The following ADARB2 variants were observed in gnomAD, a reference collection of about 807,000 sequenced individuals.
ADARB2 encodes inactive double-stranded RNA-specific editase B2.
ADARB2 carries 25 observed loss-of-function variants against 62.2 expected under a neutral mutation model. That is an observed-to-expected ratio of 0.40 (90% CI 0.29 to 0.56). The LOEUF is 0.56. Among genes scored for constraint, ADARB2 ranks in the 20% least tolerant of loss-of-function variants. The pLI is 0.43. For missense variants in ADARB2, 1,071 were observed against 1,077.4 expected (o/e 0.99, Z 0.08); for synonymous variants, 572 against 500.8 (o/e 1.14, Z -1.90).
At chr10:1,291,104 T>G (rs1052385447) in intron 3 of ADARB2, 1 of 152,216 alleles carries the variant, frequency 6.6e-6, no homozygotes, top group Admixed American at 6.5e-5. Context: ...AAAAAGTAGT[T>G]GTTTCATAAA....
chr10:1,654,126 G>T (rs371520290), intron 1 of ADARB2, among the ~76,000 whole-genome samples: 4 of 152,262 alleles, frequency 2.6e-5, no homozygotes, highest in African/African-American at 9.6e-5. Flanking sequence ...TGTTCTCTGT[G>T]GCCATTGCAG....
At chr10:1,678,980 C>T (rs1834502901) in intron 1 of ADARB2, among the ~76,000 whole-genome samples, 1 of 152,232 alleles carries the variant, frequency 6.6e-6, no homozygotes, top group South Asian at 2.1e-4. Flanking sequence ...CCAATGCCCA[C>T]TGGATGCAGA....
rs1834113285 is a variant in ADARB2, at chr10:1,651,735, G to A, written c.100+85316C>T. On this transcript the variant is annotated intron_variant, in intron 1 of 9. Coordinates refer to ENST00000381312, the MANE Select transcript of ADARB2 (RefSeq NM_018702.4). ...CGGGGCCTTACTGCCTGAGCGTGGT[G>A]GGCGTGACTCTCGGGGGGAGCGGGG... Among the ~76,000 whole-genome samples the A allele has an allele frequency of 1.3e-5, 2 of 152,154 alleles. 1 individual carries two copies. Among genetic ancestry groups the A allele is most frequent in the Admixed American group, 1.3e-4 (2 of 15,278 alleles).
chr10:1,405,354 G>C (rs544156328), intron 1 of ADARB2, among the ~76,000 whole-genome samples: 11 of 152,110 alleles, frequency 7.2e-5, no homozygotes, highest in Non-Finnish European at 1.0e-4. Flanking sequence ...TGAAACTCAG[G>C]CTGGCTCTAG....
At chr10:1,369,045 C>T (rs1427905286) in intron 2 of ADARB2, among the ~76,000 whole-genome samples, 2 of 152,034 alleles carry the variant, frequency 1.3e-5, no homozygotes, top group East Asian at 3.9e-4. Context: ...CCCCTGGCGG[C>T]CTCTTGCTGT....
At chr10:1,670,674 C>T (rs1226019709) in intron 1 of ADARB2, among the ~76,000 whole-genome samples, 1 of 152,252 alleles carries the variant, frequency 6.6e-6, no homozygotes, top group African/African-American at 2.4e-5. Context: ...TCAACGCTTA[C>T]TGTCGCTCAG....
At chr10:1,336,224 G>A (rs1831974066) in intron 3 of ADARB2, among the ~76,000 whole-genome samples, 3 of 152,168 alleles carry the variant, frequency 2.0e-5, no homozygotes, top group Admixed American at 1.3e-4. Flanking sequence ...TACCCACTTG[G>A]CAATAATTGG....
intron 1 of ADARB2, among the ~76,000 whole-genome samples, chr10:1,553,322 G>A (rs1832655165): frequency 6.6e-6 from 1 of 152,266 alleles, no homozygotes; most frequent in Non-Finnish European, 1.5e-5. Context: ...CACACATTTT[G>A]GATCAAGTTC....
intron 9 of ADARB2, among the ~76,000 whole-genome samples, chr10:1,184,202 A>AT (rs1014356114): frequency 1.0e-3 from 154 of 152,286 alleles, no homozygotes; most frequent in African/African-American, 3.6e-3. Context: ...AATCAACACT[A>AT]TTATTCCTGC....
At position 1,666,354 on chromosome 10, in the gene ADARB2, T is replaced by A. The variant is rs150668683; in HGVS notation, c.100+70697A>T. ...ACATTCTCCTGGGCCGCAGCTCATC[T>A]GCGAGTCGGAGCCTCCGAAGGGGGG... is the stretch of plus-strand genomic sequence containing the variant. On this transcript the variant is annotated intron_variant, in intron 1 of 9. Coordinates refer to ENST00000381312, the MANE Select transcript of ADARB2 (RefSeq NM_018702.4). Among the ~76,000 whole-genome samples, 562 of 152,346 alleles carry A rather than the reference T, an allele frequency of 3.7e-3. 2 individuals carry two copies. The highest frequency in any genetic ancestry group is 6.7e-3 in the Non-Finnish European group (458 of 68,032).
At chr10:1,192,929 C>T (rs369002627) in intron 8 of ADARB2, among the ~76,000 whole-genome samples, 12 of 152,288 alleles carry the variant, frequency 7.9e-5, no homozygotes, top group African/African-American at 2.9e-4. Flanking sequence ...GGTGACAGAG[C>T]GAGACTCCGT....
intron 3 of ADARB2, among the ~76,000 whole-genome samples, chr10:1,281,792 A>C (rs1305777004): frequency 6.6e-6 from 1 of 151,984 alleles, no homozygotes; most frequent in Non-Finnish European, 1.5e-5. Context: ...AGCCAACCCC[A>C]TCTCCTCCTC....
intron 3 of ADARB2, among the ~76,000 whole-genome samples, chr10:1,341,351 TG>T (rs1832025469): frequency 1.1e-5 from 1 of 88,888 alleles, no homozygotes; most frequent in South Asian, 4.1e-4. Flanking sequence ...CAACGTGCCC[TG>T]CAACGGCGAT....
In ADARB2 at chr10:1,216,997, G is replaced by A; in HGVS notation, c.1636C>T (p.Leu546=). Residue 546 remains leucine (L), a synonymous_variant, in exon 7 of 10, where the codon CTG becomes TTG. Coordinates refer to ENST00000381312, the MANE Select transcript of ADARB2 (RefSeq NM_018702.4). ...SAVQTWDGVL[L]GEQLITMSCT... ...GACATGGTGATCAGCTGCTCCCCCA[G>A]CAGGACGCCGTCCCAGGTCTGCACT... 1.2e-6 allele frequency: 2 copies of A among 1,610,154 alleles called. No homozygotes were observed. Among genetic ancestry groups the A allele is most frequent in the South Asian group, 2.2e-5 (2 of 90,942 alleles).
At chr10:1,376,152 C>T (rs1255862191) in intron 2 of ADARB2, among the ~76,000 whole-genome samples, 1 of 152,182 alleles carries the variant, frequency 6.6e-6, no homozygotes, top group Non-Finnish European at 1.5e-5. Flanking sequence ...GATAAGGCCG[C>T]GCTGGCAATG....
chr10:1,222,515 C>G (rs1296828315), intron 6 of ADARB2, among the ~76,000 whole-genome samples: 1 of 149,936 alleles, frequency 6.7e-6, no homozygotes, highest in African/African-American at 2.5e-5. Flanking sequence ...AATGGTATTG[C>G]CTAGATTTTC....
chr10:1,474,078 T>C (rs920796964), intron 1 of ADARB2, among the ~76,000 whole-genome samples: 11 of 136,324 alleles, frequency 8.1e-5, no homozygotes, highest in Non-Finnish European at 1.4e-4. Flanking sequence ...CCCATCCCAC[T>C]GAGCACCTGC....
At chr10:1,614,463 A>T (rs1239718845) in intron 1 of ADARB2, among the ~76,000 whole-genome samples, 1 of 152,274 alleles carries the variant, frequency 6.6e-6, no homozygotes, top group Non-Finnish European at 1.5e-5. Flanking sequence ...TTCACCAAAC[A>T]TGGGAGATGT....
At chr10:1,550,728 G>A (rs1314973705) in intron 1 of ADARB2, among the ~76,000 whole-genome samples, 1 of 152,112 alleles carries the variant, frequency 6.6e-6, no homozygotes, top group Non-Finnish European at 1.5e-5. Context: ...TTGGAGACCA[G>A]TAGATACCTC....
Sources: gnomAD v4.1 joint callset for allele counts (sites outside exome capture counted in the v4.1 genomes callset) on GRCh38, gnomAD v4.1.1 for gene constraint, MANE v1.5 for transcripts, NCBI Gene and HGNC (gene_info 2026-07-23, HGNC 2026-07-21) for gene names.